The following EYA1 variants were observed in gnomAD, a reference collection of about 807,000 sequenced individuals.
EYA1 encodes the protein EYA transcriptional coactivator and phosphatase 1.
In EYA1, 16 loss-of-function variants were observed where a neutral mutation model predicts 82.0. That is an observed-to-expected ratio of 0.20 (90% CI 0.13 to 0.30). The LOEUF (loss-of-function observed/expected upper bound fraction) is 0.30. EYA1 is among the 10% of genes least tolerant of loss of function. The pLI is 1.00. For missense variants in EYA1, 633 were observed against 730.7 expected, an observed-to-expected ratio of 0.87 and a Z score of 1.54; for synonymous variants, 261 against 264.4, an observed-to-expected ratio of 0.99 and a Z score of 0.12.
intron 2 of EYA1, among the ~76,000 whole-genome samples, chr8:71,527,098 C>T (rs1022316667): frequency 6.6e-6 from 1 of 152,050 alleles, no homozygotes; most frequent in African/African-American, 2.4e-5. Flanking sequence ...TAAAGATATA[C>T]TCTGGGTTCT....
chr8:71,364,939 CATATATATATATATATATATATATATAT>C (rs34890892), upstream of EYA1, among the ~76,000 whole-genome samples: 86 of 88,178 alleles, frequency 9.8e-4, 2 homozygotes, highest in African/African-American at 3.1e-3. Flanking sequence ...AAGCAAATGT[CATATATATATATATATATATATATATAT>C]ATATATATAT....
intron 5 of EYA1, 63 bp downstream of exon 5, chr8:71,322,136 C>T (rs1206645857): frequency 7.2e-7 from 1 of 1,395,190 alleles, no homozygotes; most frequent in Non-Finnish European, 1.0e-6. Flanking sequence ...ACAGACATGA[C>T]TTTAAATAAA....
chr8:71,447,656 G>A (rs2129176111), intron 2 of EYA1, among the ~76,000 whole-genome samples: 1 of 152,230 alleles, frequency 6.6e-6, no homozygotes, highest in African/African-American at 2.4e-5. Context: ...AGTGAATATT[G>A]CAATAAAGCA....
chr8:71,423,771 A>G (rs73687712), intron 2 of EYA1, among the ~76,000 whole-genome samples: 103 of 152,342 alleles, frequency 6.8e-4, no homozygotes, highest in African/African-American at 2.3e-3. Context: ...AATAGTTAAC[A>G]GCAAACTACA....
intron 2 of EYA1, among the ~76,000 whole-genome samples, chr8:71,455,369 A>C (rs940566224): frequency 1.2e-4 from 19 of 152,190 alleles, no homozygotes; most frequent in Non-Finnish European, 2.5e-4. Flanking sequence ...AACTATTCCA[A>C]TCAATAGGAA....
intron 11 of EYA1, among the ~76,000 whole-genome samples, chr8:71,265,963 C>T (rs992634336): frequency 3.9e-5 from 6 of 152,214 alleles, no homozygotes; most frequent in Admixed American, 2.6e-4. Flanking sequence ...ACCCAACGTG[C>T]CTTCTTCCCA....
chr8:71,420,274 TGGG>T (rs1261785553), intron 2 of EYA1, among the ~76,000 whole-genome samples: 3 of 152,190 alleles, frequency 2.0e-5, no homozygotes, highest in Non-Finnish European at 4.4e-5. Flanking sequence ...GTAATTCACA[TGGG>T]TGCATGCATT....
At chr8:71,539,111 A>G (rs768967800) in intron 1 of EYA1, among the ~76,000 whole-genome samples, 1 of 152,146 alleles carries the variant, frequency 6.6e-6, no homozygotes, top group Non-Finnish European at 1.5e-5. Flanking sequence ...ACTAAGAGGC[A>G]TCTAGGGCCC....
intron 2 of EYA1, among the ~76,000 whole-genome samples, chr8:71,405,883 T>C (rs1830191577): frequency 6.6e-6 from 1 of 152,226 alleles, no homozygotes; most frequent in African/African-American, 2.4e-5. Flanking sequence ...ATCTTCCTTT[T>C]CTCAATTGCA....
intron 2 of EYA1, among the ~76,000 whole-genome samples, chr8:71,491,410 T>G (rs1477807108): frequency 2.0e-5 from 3 of 152,182 alleles, no homozygotes; most frequent in African/African-American, 7.2e-5. Context: ...TGTTAAACGC[T>G]ACACTGTGTC....
intron 7 of EYA1, 22 bp from the exon 8 acceptor site, chr8:71,299,742 T>TA (rs777866491): frequency 9.2e-6 from 11 of 1,192,154 alleles, no homozygotes; most frequent in Non-Finnish European, 1.3e-5. Context: ...TGAAAAGAAA[T>TA]ACGATTATAC....
At chr8:71,261,740 T>G (rs763785478) in intron 11 of EYA1, among the ~76,000 whole-genome samples, 21 of 152,172 alleles carry the variant, frequency 1.4e-4, no homozygotes. Flanking sequence ...AAAGCCAGCA[T>G]GGACCTGGCC....
chr8:71,521,081 C>A (rs904195546), intron 2 of EYA1, among the ~76,000 whole-genome samples: 2 of 151,632 alleles, frequency 1.3e-5, no homozygotes, highest in African/African-American at 4.8e-5. Context: ...AAAAAAAAAT[C>A]TTTATTTTTT....
chr8:71,235,053 A>G (rs933060591), intron 12 of EYA1, among the ~76,000 whole-genome samples: 17 of 152,224 alleles, frequency 1.1e-4, no homozygotes, highest in African/African-American at 3.9e-4. Flanking sequence ...ATATTTCCAT[A>G]AAAGGATACT....
chr8:71,492,619 C>A (rs1051043691), intron 2 of EYA1, among the ~76,000 whole-genome samples: 1 of 152,036 alleles, frequency 6.6e-6, no homozygotes, highest in Admixed American at 6.6e-5. Context: ...CGCCCACCAC[C>A]ACGCCTGGCT....
chr8:71,383,426 A>G (rs79181918), intron 2 of EYA1, among the ~76,000 whole-genome samples: 4,446 of 152,200 alleles, frequency 0.029, 201 homozygotes, highest in African/African-American at 0.099. Flanking sequence ...AATTGTAATT[A>G]AAGGAGTTTT....
At chr8:71,304,606 A>T (rs1820533129) in intron 7 of EYA1, among the ~76,000 whole-genome samples, 1 of 142,540 alleles carries the variant, frequency 7.0e-6, no homozygotes, top group Admixed American at 7.0e-5. Flanking sequence ...AATACCTATA[A>T]GTGTCTGATT....
intron 2 of EYA1, among the ~76,000 whole-genome samples, chr8:71,379,806 C>G (rs1291843183): frequency 6.6e-6 from 1 of 150,516 alleles, no homozygotes; most frequent in Non-Finnish European, 1.5e-5. Context: ...ACAGAGCACC[C>G]TTGGCATAAG....
In EYA1 at chr8:71,259,662, G is replaced by A. The variant is rs182527461; in HGVS notation, c.1050+10078C>T. Among the ~76,000 whole-genome samples the A allele has an allele frequency of 4.6e-5, 7 of 152,236 alleles. No individual in the cohort carries two copies. The East Asian group carries it at 9.6e-4, about 21-fold the overall frequency. Reference sequence around the variant, plus strand: ...GATTCAGAAATGATCTTCTTGACCCGTTTTTATTTACTTTCAGTTCAGATA... The same window carrying A: ...GATTCAGAAATGATCTTCTTGACCCATTTTTATTTACTTTCAGTTCAGATA... On this transcript the variant is annotated intron_variant, in intron 11 of 17. Transcript: ENST00000340726.
Sources: allele counts gnomAD v4.1 joint callset (sites outside exome capture counted in the v4.1 genomes callset), GRCh38; gene constraint gnomAD v4.1.1; transcripts MANE v1.5; gene names NCBI Gene and HGNC (gene_info 2026-07-23, HGNC 2026-07-21).